Variants in ULK4 observed in about 807,000 individuals in gnomAD.
ULK4 encodes unc-51 like kinase 4.
In ULK4, 133 loss-of-function variants were observed where a neutral mutation model predicts 160.6. That is an observed-to-expected ratio of 0.83 (90% CI 0.72 to 0.96). ULK4 has a LOEUF of 0.96. ULK4 is among the 40% of genes least tolerant of loss of function. The pLI, the probability that ULK4 is intolerant of heterozygous loss-of-function variation, is 0.00. For missense variants in ULK4, 1,580 were observed against 1,499.5 expected (o/e 1.05, Z -0.89); for synonymous variants, 534 against 539.8 (o/e 0.99, Z 0.15).
chr3:41,658,122 T>A (rs2035010665), intron 30 of ULK4, among the ~76,000 whole-genome samples: 1 of 152,198 alleles, frequency 6.6e-6, no homozygotes, highest in Non-Finnish European at 1.5e-5. Context: ...AAAGATCACA[T>A]ATACACTAAT....
chr3:41,899,986 T>G (rs534930001), intron 13 of ULK4, among the ~76,000 whole-genome samples: 1 of 152,054 alleles, frequency 6.6e-6, no homozygotes, highest in East Asian at 1.9e-4. Context: ...AAAAAAACAT[T>G]TATAAATAAG....
intron 34 of ULK4, among the ~76,000 whole-genome samples, chr3:41,406,592 T>A (rs2082298239): frequency 6.6e-6 from 1 of 152,170 alleles, no homozygotes; most frequent in Non-Finnish European, 1.5e-5. Context: ...ACCATTTACA[T>A]TTAAGGTAAA....
intron 31 of ULK4, among the ~76,000 whole-genome samples, chr3:41,567,445 T>C (rs2087820823): frequency 4.3e-5 from 2 of 46,200 alleles, no homozygotes; most frequent in Non-Finnish European, 9.7e-5. Context: ...CTTAACAGAT[T>C]TTTTTTTTTT....
chr3:41,441,343 T>G (rs907670163), intron 34 of ULK4, among the ~76,000 whole-genome samples: 1 of 152,074 alleles, frequency 6.6e-6, no homozygotes, highest in Non-Finnish European at 1.5e-5. Context: ...TTCTCATATG[T>G]AGTGCTTTCA....
chr3:41,705,292 G>T lies in ULK4; in HGVS notation c.2648C>A (p.Ser883Tyr), dbSNP rs2036835973. The T allele has an allele frequency of 1.2e-6, 2 of 1,610,036 alleles. No homozygotes were observed. Among genetic ancestry groups the T allele is most frequent in the Non-Finnish European group, 1.7e-6 (2 of 1,178,478 alleles). Residue 883 changes from serine (S) to tyrosine (Y), a missense_variant, in exon 26 of 37, where the codon TCT becomes TAT. Physicochemically the swap from Ser to Tyr is moderately radical, Grantham distance 144 (BLOSUM62 -2). Coordinates refer to ENST00000301831, the MANE Select transcript of ULK4 (RefSeq NM_017886.4). ...SYGTILSHIKSVDSGETNIDG... is the reference protein window; with the variant it reads ...SYGTILSHIKYVDSGETNIDG... The stretch of plus-strand genomic sequence containing the variant: ...TATGTTCGTTTCTCCTGAGTCTACA[G>T]ATTTAATATGACTCTGAAAAAAAAT...
intron 30 of ULK4, among the ~76,000 whole-genome samples, chr3:41,645,668 G>A (rs1559457438): frequency 6.6e-6 from 1 of 152,130 alleles, no homozygotes. Flanking sequence ...TGTATATTCT[G>A]TTGATTTGGG....
intron 35 of ULK4, among the ~76,000 whole-genome samples, chr3:41,281,593 T>C (rs2079354023): frequency 6.6e-6 from 1 of 152,128 alleles, no homozygotes. Flanking sequence ...TTCAACAAAA[T>C]TCAACAGCTC....
intron 2 of ULK4, among the ~76,000 whole-genome samples, chr3:41,949,753 T>C (rs575717443): frequency 3.2e-4 from 49 of 151,968 alleles, no homozygotes; most frequent in South Asian, 2.5e-3. Flanking sequence ...TTCTTTCTTT[T>C]TTTTTGAGAC....
At chr3:41,602,309 A>AGGAAAGGAGGAAG (rs1449196457) in intron 31 of ULK4, among the ~76,000 whole-genome samples, 10 of 116,802 alleles carry the variant, frequency 8.6e-5, no homozygotes, top group Non-Finnish European at 1.6e-4. Context: ...AGGAAAGGAA[A>AGGAAAGGAGGAAG]GGAAAGGAAA....
intron 31 of ULK4, among the ~76,000 whole-genome samples, chr3:41,592,315 C>T (rs988351582): frequency 3.3e-5 from 5 of 152,232 alleles, no homozygotes; most frequent in African/African-American, 1.2e-4. Flanking sequence ...CGGGAAAAGC[C>T]CTGTGGGCTC....
At chr3:41,905,254 C>T (rs1364601796) in intron 12 of ULK4, among the ~76,000 whole-genome samples, 2 of 151,922 alleles carry the variant, frequency 1.3e-5, no homozygotes, top group Non-Finnish European at 2.9e-5. Flanking sequence ...CAACAGATAG[C>T]GCTGAGACAA....
chr3:41,842,650 G>A (rs1332857730), intron 17 of ULK4, among the ~76,000 whole-genome samples: 2 of 152,176 alleles, frequency 1.3e-5, no homozygotes, highest in Admixed American at 1.3e-4. Context: ...TTCACCTTCT[G>A]CCATGAGTGG....
intron 4 of ULK4, among the ~76,000 whole-genome samples, 181 bp from the exon 5 acceptor site, chr3:41,932,187 T>A (rs1465538877): frequency 2.0e-5 from 3 of 152,164 alleles, no homozygotes; most frequent in Non-Finnish European, 4.4e-5. Flanking sequence ...TTTTTAATAA[T>A]CAAATAAAAA....
intron 32 of ULK4, among the ~76,000 whole-genome samples, chr3:41,486,669 G>A (rs556660450): frequency 6.6e-6 from 1 of 152,124 alleles, no homozygotes; most frequent in Non-Finnish European, 1.5e-5. Context: ...TTGGAAGTAT[G>A]GGCAAAAATC....
At chr3:41,326,938 G>A (rs187805898) in intron 35 of ULK4, among the ~76,000 whole-genome samples, 9 of 152,290 alleles carry the variant, frequency 5.9e-5, no homozygotes, top group Non-Finnish European at 8.8e-5. Context: ...AATGTTTCAC[G>A]TAAGGGCTCT....
chr3:41,584,686 G>T (rs1039680786), intron 31 of ULK4, among the ~76,000 whole-genome samples: 3 of 152,042 alleles, frequency 2.0e-5, no homozygotes, highest in Non-Finnish European at 4.4e-5. Context: ...TAAAAATAGG[G>T]TACTTTATTC....
At chr3:41,961,023 A>C (rs1344904875) in intron 1 of ULK4, among the ~76,000 whole-genome samples, 1 of 151,970 alleles carries the variant, frequency 6.6e-6, no homozygotes, top group East Asian at 1.9e-4. Context: ...TGGTTTTCTC[A>C]CTCGAGTGTG....
chr3:41,802,288 A>C (rs1452836640), intron 19 of ULK4, among the ~76,000 whole-genome samples: 1 of 152,214 alleles, frequency 6.6e-6, no homozygotes, highest in Non-Finnish European at 1.5e-5. Context: ...TATTTTAAAC[A>C]TAAGCTGCAG....
chr3:41,300,813 A>G (rs2079771699), intron 35 of ULK4, among the ~76,000 whole-genome samples: 1 of 129,886 alleles, frequency 7.7e-6, no homozygotes, highest in Non-Finnish European at 1.6e-5. Flanking sequence ...CTCTCTTATG[A>G]TTAAATTTTG....
Sources: allele counts gnomAD v4.1 joint callset (sites outside exome capture counted in the v4.1 genomes callset), GRCh38; gene constraint gnomAD v4.1.1; transcripts MANE v1.5; gene names NCBI Gene and HGNC (gene_info 2026-07-23, HGNC 2026-07-21).